The following PTPRN2 variants were observed in gnomAD, a reference collection of about 807,000 sequenced individuals.
PTPRN2 encodes protein tyrosine phosphatase receptor type N2, also known as receptor-type tyrosine-protein phosphatase N2.
A neutral mutation model predicts 118.8 loss-of-function variants in PTPRN2; 74 were observed. The observed-to-expected ratio is 0.62, with a 90% CI of 0.52 to 0.76. The LOEUF (loss-of-function observed/expected upper bound fraction) is 0.76, where lower values mean the gene tolerates loss of function less well. Ranked by LOEUF, PTPRN2 falls within the 30% of genes least tolerant of loss-of-function variation. The pLI, the probability that PTPRN2 is intolerant of heterozygous loss-of-function variation, is 0.00. For missense variants in PTPRN2, 1,481 were observed against 1,394.4 expected, an observed-to-expected ratio of 1.06 and a Z score of -0.99; for synonymous variants, 641 against 608.0, an observed-to-expected ratio of 1.05 and a Z score of -0.80.
intron 1 of PTPRN2, among the ~76,000 whole-genome samples, chr7:158,503,474 C>G (rs949659129): frequency 2.6e-5 from 4 of 152,204 alleles, no homozygotes; most frequent in African/African-American, 7.2e-5. Context: ...CTTCCTCCCC[C>G]GGCCTGTCTC....
chr7:157,561,974 T>C (rs768538081), intron 21 of PTPRN2, among the ~76,000 whole-genome samples: 16 of 152,200 alleles, frequency 1.1e-4, no homozygotes, highest in Non-Finnish European at 2.1e-4. Flanking sequence ...TACCCTGGCA[T>C]CTGCCAGAGA....
At chr7:158,365,507 G>A (rs999160395) in intron 2 of PTPRN2, among the ~76,000 whole-genome samples, 8 of 152,268 alleles carry the variant, frequency 5.3e-5, no homozygotes, top group Admixed American at 2.6e-4. Flanking sequence ...AAACACGTTC[G>A]CTCCCATTGG....
chr7:157,815,476 G>A (rs537971160), intron 12 of PTPRN2, among the ~76,000 whole-genome samples: 2 of 152,374 alleles, frequency 1.3e-5, no homozygotes, highest in African/African-American at 2.4e-5. Flanking sequence ...TGGGAAAGCC[G>A]GAGTCCCAGC....
intron 12 of PTPRN2, among the ~76,000 whole-genome samples, chr7:157,834,947 G>A (rs1323033614): frequency 6.6e-6 from 1 of 152,226 alleles, no homozygotes; most frequent in Non-Finnish European, 1.5e-5. Context: ...CACAGATCTG[G>A]GGAAAGAATG....
chr7:158,192,408 G>C lies in PTPRN2; in HGVS notation c.468C>G (p.Pro156=). ...GGGCCTGGGACAGGGCCTCCAGGAA[G>C]GGCAGGTGGCGTCGGAGGGCGTTGG... ...ALANALRRHL[P]FLEALSQAPA... The change falls in exon 5 of 23, where the codon CCC becomes CCG. Residue 156 remains proline (P), a synonymous_variant. Transcript: ENST00000389418. 6.5e-7 allele frequency: 1 copy of C among 1,538,468 alleles called. No homozygotes were observed. The highest frequency in any genetic ancestry group is 8.7e-7 in the Non-Finnish European group (1 of 1,153,234).
chr7:157,842,298 C>T (rs528615736), intron 12 of PTPRN2, among the ~76,000 whole-genome samples: 37 of 152,030 alleles, frequency 2.4e-4, no homozygotes, highest in African/African-American at 8.7e-4. Context: ...ACCTGACCAT[C>T]TCTTGATTAC....
intron 20 of PTPRN2, 21 bp from the exon 21 acceptor site, chr7:157,568,987 A>G: frequency 6.5e-7 from 1 of 1,541,062 alleles, no homozygotes; most frequent in Non-Finnish European, 9.0e-7. Flanking sequence ...AAGGAGAGAA[A>G]TGAAAGTGCT....
intron 12 of PTPRN2, among the ~76,000 whole-genome samples, chr7:157,770,800 A>G (rs182927267): frequency 1.3e-3 from 194 of 152,334 alleles, no homozygotes; most frequent in African/African-American, 4.4e-3. Context: ...GAAGAGGGCC[A>G]CACATTCTCT....
Position 158,127,536 on chromosome 7 carries a change from C to T in PTPRN2, c.1556+6141G>A, listed in dbSNP as rs184353706. On this transcript the variant is annotated intron_variant, in intron 9 of 22. Transcript: ENST00000389418. ...TCCGTGGGTCAAGGGCCCAGGCCAC[C>T]TTCTCCAACAGCACTGTGGCCGCCA... 4.6e-5 allele frequency among the ~76,000 whole-genome samples: 7 copies of T among 152,320 alleles called. No individual in the cohort carries two copies. In the East Asian group the frequency reaches 1.4e-3, roughly 29 times the overall value.
intron 2 of PTPRN2, among the ~76,000 whole-genome samples, chr7:158,487,593 A>G (rs1267404820): frequency 1.3e-5 from 2 of 152,126 alleles, no homozygotes; most frequent in African/African-American, 4.8e-5. Context: ...AAGAAAAGAG[A>G]GGGGGAAAGA....
At chr7:157,776,584 T>C (rs116508928) in intron 12 of PTPRN2, among the ~76,000 whole-genome samples, 54 of 4,578 alleles carry the variant, frequency 0.012, no homozygotes, top group Admixed American at 0.024. Context: ...TCCTCCCTCT[T>C]CTTCTCCCTC....
In PTPRN2 at chr7:157,580,055, G is replaced by A. The variant is rs1366338629; in HGVS notation, c.2497-1915C>T. Among the ~76,000 whole-genome samples, 7 of 152,188 alleles carry A rather than the reference G, an allele frequency of 4.6e-5. No individual in the cohort carries two copies. The South Asian group carries it at 1.2e-3, about 27-fold the overall frequency. ...GAATGCAGAATCAGTAAAAATCCCA[G>A]TCGAGTAAGGTTCAATTTCTAATCG... On this transcript the variant is annotated intron_variant, in intron 17 of 22. Transcript: ENST00000389418.
chr7:157,986,357 G>T lies in PTPRN2; in HGVS notation c.1724-87620C>A, dbSNP rs1387322718. Among the ~76,000 whole-genome samples the T allele has an allele frequency of 2.6e-5, 4 of 152,206 alleles. No homozygotes were observed. The highest frequency in any genetic ancestry group is 3.2e-3 in the Middle Eastern group (1 of 316). ...CTGGCGGCAGATAATGGCCTGAGAG[G>T]TCAGCTAGTCCAATTGCTTCCTTGT... On this transcript the variant is annotated intron_variant, in intron 11 of 22. Coordinates refer to ENST00000389418, the MANE Select transcript of PTPRN2 (RefSeq NM_002847.5). The surrounding 1 kb of genome is among the most constrained non-coding windows in gnomAD (Gnocchi z 4.5).
chr7:157,566,639 G>C (rs910026713), intron 21 of PTPRN2, among the ~76,000 whole-genome samples: 1 of 152,370 alleles, frequency 6.6e-6, no homozygotes, highest in African/African-American at 2.4e-5. Flanking sequence ...TTTCCACATG[G>C]CTGCATGCGT....
At chr7:158,021,423 G>A (rs564414172) in intron 11 of PTPRN2, among the ~76,000 whole-genome samples, 1 of 152,184 alleles carries the variant, frequency 6.6e-6, no homozygotes, top group South Asian at 2.1e-4. Context: ...AGTGATGCCG[G>A]CAAAAACCAA....
At chr7:158,258,268 A>G (rs1485728842) in intron 3 of PTPRN2, among the ~76,000 whole-genome samples, 1 of 152,178 alleles carries the variant, frequency 6.6e-6, no homozygotes, top group Admixed American at 6.5e-5. Context: ...GCCGTCCTGA[A>G]TCAGCCGCTG....
intron 11 of PTPRN2, among the ~76,000 whole-genome samples, chr7:158,035,127 CAGTGTGTTTACACGCATCGTCACGAT>C (rs1342583132): frequency 3.3e-5 from 5 of 152,230 alleles, no homozygotes. Flanking sequence ...TGTGGATAGT[CAGTGTGTTTACACGCATCGTCACGAT>C]AGTGTGTTTA....
At chr7:158,175,204 C>T (rs1275783424) in intron 5 of PTPRN2, among the ~76,000 whole-genome samples, 3 of 152,342 alleles carry the variant, frequency 2.0e-5, no homozygotes, top group African/African-American at 4.8e-5. Context: ...CACTGCCCGC[C>T]GGCAGCACTG....
At chr7:157,959,577 C>G (rs1309440744) in intron 11 of PTPRN2, among the ~76,000 whole-genome samples, 2 of 152,090 alleles carry the variant, frequency 1.3e-5, no homozygotes, top group African/African-American at 4.8e-5. Flanking sequence ...GAGAGTGAGC[C>G]CATGGTGAGC....
Sources: gnomAD v4.1 joint callset for allele counts (sites outside exome capture counted in the v4.1 genomes callset) on GRCh38, gnomAD v4.1.1 for gene constraint, Gnocchi (gnomAD v3.1) non-coding constraint, MANE v1.5 for transcripts, NCBI Gene and HGNC (gene_info 2026-07-23, HGNC 2026-07-21) for gene names.